Variants in ZFHX3 observed in about 807,000 individuals in gnomAD.
The protein encoded by ZFHX3 is zinc finger homeobox 3, also known as zinc finger homeobox protein 3.
A neutral mutation model predicts 279.1 loss-of-function variants in ZFHX3; 42 were observed. The ratio of observed to expected loss-of-function variants is 0.15; its 90% CI spans 0.12 to 0.19. ZFHX3 has a LOEUF of 0.19. ZFHX3 is among the 10% of genes least tolerant of loss of function. The pLI is 1.00. For missense variants in ZFHX3, 4,981 were observed against 4,754.0 expected (o/e 1.05, Z -1.40); for synonymous variants, 2,293 against 1,957.8 (o/e 1.17, Z -4.52).
chr16:72,961,083 T>C (rs986747614), intron 1 of ZFHX3, among the ~76,000 whole-genome samples: 2 of 152,132 alleles, frequency 1.3e-5, no homozygotes, highest in African/African-American at 4.8e-5. Flanking sequence ...CCAGCAGGAA[T>C]GGACCAGACT....
In ZFHX3 at chr16:72,833,666, T is replaced by C. The variant is rs2037118398; in HGVS notation, c.3449-3807A>G. ...CTTTCCCAAGGGCGTGGCCAGGACC[T>C]GGGAGAGAAGGTCATCCCCACTCCC... is the stretch of plus-strand genomic sequence containing the variant. On this transcript the variant is annotated intron_variant, in intron 4 of 9. Transcript: ENST00000268489. Among the ~76,000 whole-genome samples, 3 of 152,170 alleles carry C rather than the reference T, an allele frequency of 2.0e-5. No individual in the cohort carries two copies. In the South Asian group the frequency reaches 6.2e-4, roughly 31 times the overall value.
chr16:73,172,689 C>G (rs1393178784), intron 5 of ZFHX3, among the ~76,000 whole-genome samples: 1 of 152,132 alleles, frequency 6.6e-6, no homozygotes, highest in South Asian at 2.1e-4. Flanking sequence ...GTAAGTAGCC[C>G]GGACAATGAG....
At chr16:73,186,830 T>A (rs369969703) in intron 5 of ZFHX3, among the ~76,000 whole-genome samples, 1 of 152,216 alleles carries the variant, frequency 6.6e-6, no homozygotes, top group East Asian at 1.9e-4. Context: ...TCATCACTCT[T>A]GGAAAATGTT....
chr16:73,848,150 G>A (rs1461609261), intron 1 of ZFHX3, among the ~76,000 whole-genome samples: 1 of 151,976 alleles, frequency 6.6e-6, no homozygotes, highest in Non-Finnish European at 1.5e-5. Context: ...GTCTAGACAT[G>A]GGCTAATTTC....
chr16:73,585,480 A>C (rs1330604276), intron 2 of ZFHX3, among the ~76,000 whole-genome samples: 1 of 152,186 alleles, frequency 6.6e-6, no homozygotes, highest in East Asian at 1.9e-4. Flanking sequence ...ATAAAAGACA[A>C]ATAGCTAATG....
chr16:73,799,403 G>T (rs1293704714), intron 1 of ZFHX3, among the ~76,000 whole-genome samples: 2 of 152,186 alleles, frequency 1.3e-5, no homozygotes, highest in Non-Finnish European at 2.9e-5. Context: ...CATTTAGGAT[G>T]AGGCTACAGA....
chr16:73,114,696 A>G (rs953164764), intron 7 of ZFHX3, among the ~76,000 whole-genome samples: 2 of 152,196 alleles, frequency 1.3e-5, no homozygotes, highest in Admixed American at 1.3e-4. Flanking sequence ...GTAAAGTAAA[A>G]TAAAAAAAAT....
At chr16:73,216,022 G>A (rs2012193788) in intron 5 of ZFHX3, among the ~76,000 whole-genome samples, 1 of 152,188 alleles carries the variant, frequency 6.6e-6, no homozygotes, top group Admixed American at 6.5e-5. Flanking sequence ...TGAGAAGAAT[G>A]AGAAAGCACA....
intron 1 of ZFHX3, among the ~76,000 whole-genome samples, chr16:73,735,913 T>TG (rs1567565777): frequency 3.3e-5 from 5 of 151,856 alleles, no homozygotes; most frequent in African/African-American, 1.2e-4. Context: ...TTTTTTTTTT[T>TG]TTTAATGCTC....
intron 5 of ZFHX3, among the ~76,000 whole-genome samples, chr16:73,200,013 G>A (rs1205606334): frequency 6.6e-6 from 1 of 152,136 alleles, no homozygotes; most frequent in African/African-American, 2.4e-5. Flanking sequence ...ATATGTGTTT[G>A]CCTTTGTTGT....
intron 1 of ZFHX3, among the ~76,000 whole-genome samples, chr16:73,695,186 AT>A (rs2053185876): frequency 6.7e-6 from 1 of 149,654 alleles, no homozygotes; most frequent in African/African-American, 2.5e-5. Context: ...TATCTATACT[AT>A]TTTTTTCTTT....
intron 2 of ZFHX3, among the ~76,000 whole-genome samples, chr16:73,591,393 C>T (rs2051994389): frequency 6.8e-6 from 1 of 148,084 alleles, no homozygotes; most frequent in East Asian, 2.0e-4. Flanking sequence ...AACAAAAATC[C>T]AGAAAATAAA....
chr16:73,575,926 A>T (rs1234343610), intron 2 of ZFHX3, among the ~76,000 whole-genome samples: 1 of 152,164 alleles, frequency 6.6e-6, no homozygotes, highest in African/African-American at 2.4e-5. Flanking sequence ...GAAATATGGC[A>T]GGCTTTACCA....
intron 3 of ZFHX3, among the ~76,000 whole-genome samples, chr16:73,389,675 T>C (rs566316816): frequency 6.6e-6 from 1 of 152,356 alleles, no homozygotes; most frequent in South Asian, 2.1e-4. Flanking sequence ...AGTTCTTTTT[T>C]ATCCGCAGTG....
intron 1 of ZFHX3, among the ~76,000 whole-genome samples, chr16:73,881,677 T>C (rs2030170807): frequency 6.7e-6 from 1 of 149,092 alleles, no homozygotes; most frequent in African/African-American, 2.5e-5. Flanking sequence ...GTTGGTGCTA[T>C]ATGTGTGTGT....
At chr16:72,852,851 C>T (rs1326232542) in intron 4 of ZFHX3, among the ~76,000 whole-genome samples, 1 of 152,148 alleles carries the variant, frequency 6.6e-6, no homozygotes, top group Non-Finnish European at 1.5e-5. Context: ...CAGAAGAGTC[C>T]TCTATTCCTT....
chr16:72,876,932 C>T (rs535523690), intron 4 of ZFHX3, among the ~76,000 whole-genome samples: 1 of 152,182 alleles, frequency 6.6e-6, no homozygotes, highest in East Asian at 1.9e-4. Context: ...GGAACAGAGA[C>T]TTGGCGGGGG....
chr16:73,416,697 C>A (rs926054394), intron 3 of ZFHX3, among the ~76,000 whole-genome samples: 5 of 150,916 alleles, frequency 3.3e-5, no homozygotes, highest in South Asian at 2.1e-4. Flanking sequence ...CATGGTGAAA[C>A]CCCCGTCTCT....
Position 72,941,408 on chromosome 16 carries a change from T to C in ZFHX3, c.3216+9061A>G, listed in dbSNP as rs9934755. ...CCACATAGCTCTCTTTACACTTCTA[T>C]AGAGCCTGCTGGCAGGTCATTATGA... On this transcript the variant is annotated intron_variant, in intron 3 of 9. Transcript: ENST00000268489. 7.6e-3 allele frequency among the ~76,000 whole-genome samples: 1,159 copies of C among 152,288 alleles called. 9 individuals are homozygous for C. Among genetic ancestry groups the C allele is most frequent in the African/African-American group, 0.026 (1,077 of 41,556 alleles).
Sources: allele counts gnomAD v4.1 joint callset (sites outside exome capture counted in the v4.1 genomes callset), GRCh38; gene constraint gnomAD v4.1.1; transcripts MANE v1.5; gene names NCBI Gene and HGNC (gene_info 2026-07-23, HGNC 2026-07-21).